RSKR: variants seen among roughly 807,000 people sequenced by gnomAD.
RSKR encodes the protein ribosomal protein S6 kinase related.
RSKR carries 44 observed loss-of-function variants against 56.8 expected under a neutral mutation model. The observed-to-expected ratio is 0.77, with a 90% confidence interval of 0.61 to 1.00. RSKR has a LOEUF of 1.00. Ranked by LOEUF, RSKR falls within the 50% of genes least tolerant of loss-of-function variation. The pLI, the probability that RSKR is intolerant of heterozygous loss-of-function variation, is 0.00. For missense variants in RSKR, 510 were observed against 506.9 expected, an observed-to-expected ratio of 1.01 and a Z score of -0.06; for synonymous variants, 181 against 188.0, an observed-to-expected ratio of 0.96 and a Z score of 0.30.
intron 1 of RSKR, 27 bp from the exon 2 acceptor site, chr17:28,613,715 C>T: frequency 6.2e-7 from 1 of 1,612,056 alleles, no homozygotes. Context: ...CCACTCTAAA[C>T]TTTCTGCTCC....
intron 7 of RSKR, 106 bp downstream of exon 7, chr17:28,611,938 G>A (rs1232599180): frequency 3.7e-6 from 6 of 1,612,266 alleles, no homozygotes; most frequent in African/African-American, 1.3e-5. Flanking sequence ...TGGCACCCAT[G>A]GGGGCCCCAA....
chr17:28,611,205 T>C lies in RSKR; in HGVS notation c.949A>G (p.Thr317Ala). ...RDHVAMLASV[T>A]HSDSEIPASL... The stretch of plus-strand genomic sequence containing the variant: ...GCTGGGATCTCAGAGTCACTGTGGG[T>C]CACACTTGCCAACATGGCCACATGA... Residue 317 changes from threonine to alanine, a missense_variant, in exon 11 of 12, where the codon ACC becomes GCC. By Grantham distance (58) the Thr-to-Ala change is moderately conservative. Coordinates refer to ENST00000301037, the MANE Select transcript of RSKR (RefSeq NM_001174103.2). 1 of 1,536,222 alleles carries C rather than the reference T, an allele frequency of 6.5e-7. No individual in the cohort carries two copies. The highest frequency in any genetic ancestry group is 8.7e-7 in the Non-Finnish European group (1 of 1,146,872).
intron 1 of RSKR, 108 bp from the exon 2 acceptor site, chr17:28,613,796 T>C (rs977916139): frequency 2.0e-6 from 3 of 1,470,578 alleles, no homozygotes; most frequent in African/African-American, 1.4e-5. Flanking sequence ...TAGAGGTACA[T>C]TTTTGAGCAT....
chr17:28,613,459 C>T lies in RSKR; in HGVS notation c.305G>A (p.Arg102Lys), dbSNP rs2070854259. Residue 102 changes from arginine to lysine, a missense_variant, in exon 2 of 12, where the codon AGG becomes AAG. Coordinates refer to ENST00000301037, the MANE Select transcript of RSKR (RefSeq NM_001174103.2). ...ACTTACCTTCAGCTGCTGCTGCCCC[C>T]TAATGGGCCTAATGGGAAACTCTGG... ...FLPEFPIRPI[R>K]GQQQLKILGL... 2 of 1,614,104 alleles carry T rather than the reference C, an allele frequency of 1.2e-6. No homozygotes were observed. Among genetic ancestry groups the T allele is most frequent in the African/African-American group, 2.7e-5 (2 of 74,930 alleles).
rs745882577 is a variant in RSKR at position 28,611,467 on chromosome 17, T to C, written c.826A>G (p.Ser276Gly). Residue 276 changes from serine (S) to glycine (G), a missense_variant, in exon 10 of 12, where the codon AGT (serine) becomes GGT (glycine). Physicochemically the swap from Ser to Gly is moderately conservative, Grantham distance 56. Transcript: ENST00000301037. ...TLQYMAPEVL[S>G]GGPYNHAADW... ...GCAGCATGGTTGTAAGGTCCTCCAC[T>C]TAGGACCTCTGGGGCTACAGATTTC... The C allele has an allele frequency of 1.2e-6, 2 of 1,603,344 alleles. No individual in the cohort carries two copies. Among genetic ancestry groups the C allele is most frequent in the Non-Finnish European group, 1.7e-6 (2 of 1,177,372 alleles).
chr17:28,614,038 A>G (rs960516056), intron 1 of RSKR, 49 bp downstream of exon 1: 2 of 1,596,282 alleles, frequency 1.3e-6, no homozygotes, highest in African/African-American at 2.7e-5. Flanking sequence ...ACTCAAGCCC[A>G]TGTCTCCCTC....
chr17:28,608,100 C>G lies in RSKR; in HGVS notation c.*2378G>C, dbSNP rs533240800. 3.3e-5 allele frequency: 5 copies of G among 152,162 alleles called. No individual in the cohort carries two copies. Among genetic ancestry groups the G allele is most frequent in the Admixed American group, 6.5e-5 (1 of 15,280 alleles). 9.4% of individuals were successfully genotyped at this position (152,162 alleles called of 1,614,324 possible). On this transcript the variant is annotated 3_prime_UTR_variant, in exon 12 of 12. Transcript: ENST00000301037. The stretch of plus-strand genomic sequence containing the variant: ...GGAAAATAAAAGTAGAAAAGGAAGA[C>G]AGAACCAAGAACATGACTAGCATAC...
intron 7 of RSKR, 92 bp from the exon 8 acceptor site, chr17:28,611,887 A>G: frequency 6.2e-7 from 1 of 1,612,122 alleles, no homozygotes; most frequent in Non-Finnish European, 8.5e-7. Context: ...TGCCCTACTC[A>G]GCACTCAAAT....
In RSKR at chr17:28,610,396, G is replaced by T; in HGVS notation, c.*82C>A. The T allele has an allele frequency of 8.0e-7, 1 of 1,254,358 alleles. No individual in the cohort carries two copies. The highest frequency in any genetic ancestry group is 1.1e-6 in the Non-Finnish European group (1 of 901,378). 77.7% of individuals were successfully genotyped at this position (1,254,358 alleles called of 1,614,324 possible). On this transcript the variant is annotated 3_prime_UTR_variant, in exon 12 of 12. Transcript: ENST00000301037. ...GAGGCTACAAAATAAAAACAAACTG[G>T]ATTATCAAGGTGGTCATACTGAGTA... is the stretch of plus-strand genomic sequence containing the variant.
At position 28,611,437 on chromosome 17, in the gene RSKR, A is replaced by C. The variant is rs758087150; in HGVS notation, c.856T>G (p.Trp286Gly). 136 of 1,604,930 alleles carry C rather than the reference A, an allele frequency of 8.5e-5. No individual in the cohort carries two copies. The highest frequency in any genetic ancestry group is 1.1e-4 in the Non-Finnish European group (130 of 1,179,302). Residue 286 changes from tryptophan to glycine, a missense_variant, in exon 10 of 12, where the codon TGG becomes GGG. Physicochemically the swap from Trp to Gly is radical, Grantham distance 184 (BLOSUM62 -2). Coordinates refer to ENST00000301037, the MANE Select transcript of RSKR (RefSeq NM_001174103.2). ...AAAAGCAAGACACCCAGGGACCACC[A>C]ATCAGCAGCATGGTTGTAAGGTCCT... ...SGGPYNHAAD[W>G]WSLGVLLFSL...
chr17:28,610,992 C>T, intron 11 of RSKR, 151 bp downstream of exon 11: 1 of 726,178 alleles, frequency 1.4e-6, no homozygotes, highest in Non-Finnish European at 2.3e-6. Context: ...AGGAATGTGA[C>T]TCAGTACAGC....
chr17:28,610,996 G>A, intron 11 of RSKR, 147 bp downstream of exon 11: 2 of 747,190 alleles, frequency 2.7e-6, no homozygotes, highest in South Asian at 1.8e-5. Context: ...ATGTGACTCA[G>A]TACAGCTTAG....
chr17:28,613,211 C>G (rs1233383857), intron 3 of RSKR, 51 bp downstream of exon 3: 6 of 1,612,928 alleles, frequency 3.7e-6, no homozygotes, highest in Non-Finnish European at 5.1e-6. Flanking sequence ...CTCCCAACCT[C>G]TCTGGAATCA....
At position 28,611,668 on chromosome 17, in the gene RSKR, G is replaced by C. The variant is rs778819189; in HGVS notation, c.722-12C>G. ...CAGTTTCAGATGGCCTATGAAAGAA[G>C]GTAAGGCAACTGCACCACTGTTCCA... is the stretch of plus-strand genomic sequence containing the variant. On this transcript the variant is annotated splice_polypyrimidine_tract_variant and intron_variant, in intron 8 of 11. Transcript: ENST00000301037. 1.2e-6 allele frequency: 2 copies of C among 1,603,194 alleles called. No homozygotes were observed. Among genetic ancestry groups the C allele is most frequent in the East Asian group, 4.5e-5 (2 of 44,852 alleles).
At chr17:28,612,461 C>A in intron 5 of RSKR, 95 bp from the exon 6 acceptor site, 1 of 1,416,462 alleles carries the variant, frequency 7.1e-7, no homozygotes. Context: ...AGGCCTCCTG[C>A]CCAAACTGAT....
At chr17:28,610,723 G>A (rs2070800868) in intron 11 of RSKR, 24 bp from the exon 12 acceptor site, 6 of 1,531,916 alleles carry the variant, frequency 3.9e-6, no homozygotes, top group Non-Finnish European at 5.2e-6. Flanking sequence ...GAGCATGAAG[G>A]ATGAGTGACT....
At position 28,613,119 on chromosome 17, in the gene RSKR, T is replaced by A; in HGVS notation, c.436A>T (p.Arg146Trp). The A allele has an allele frequency of 6.2e-7, 1 of 1,614,018 alleles. No homozygotes were observed. Among genetic ancestry groups the A allele is most frequent in the South Asian group, 1.1e-5 (1 of 91,084 alleles). Residue 146 changes from arginine (R) to tryptophan (W), a missense_variant, in exon 4 of 12, where the codon AGG (arginine) becomes TGG (tryptophan). Coordinates refer to ENST00000301037, the MANE Select transcript of RSKR (RefSeq NM_001174103.2). ...KVVPKVKVLQ[R>W]DTVRQCKEEV... is the part of the protein sequence containing the mutation. Reference sequence around the variant, plus strand: ...TCTTTGCACTGCCTCACGGTATCCCTCTGTAGGACCTTTACCTTGGGCACC... The same window carrying A: ...TCTTTGCACTGCCTCACGGTATCCCACTGTAGGACCTTTACCTTGGGCACC...
Position 28,611,649 on chromosome 17 carries a change from C to T in RSKR, c.729G>A (p.Leu243=). 1.9e-6 allele frequency: 3 copies of T among 1,589,162 alleles called. No homozygotes were observed. Among genetic ancestry groups the T allele is most frequent in the Non-Finnish European group, 2.6e-6 (3 of 1,168,856 alleles). ...GGGACAGACCAAAGTCTGTCAGTTTCAGATGGCCTATGAAAGAAGGTAAGG... is the reference window on the plus strand; with the variant it reads ...GGGACAGACCAAAGTCTGTCAGTTTTAGATGGCCTATGAAAGAAGGTAAGG... ...ENILLDERGH[L]KLTDFGLSRH... The change falls in exon 9 of 12, where the codon CTG becomes CTA. Residue 243 remains leucine (L), a synonymous_variant. Coordinates refer to ENST00000301037, the MANE Select transcript of RSKR (RefSeq NM_001174103.2).
chr17:28,611,970 T>C, intron 7 of RSKR, 74 bp downstream of exon 7: 1 of 1,614,112 alleles, frequency 6.2e-7, no homozygotes, highest in Admixed American at 1.7e-5. Context: ...CTCAGCTCCC[T>C]AACTTCTTGG....
Sources: allele counts gnomAD v4.1 joint callset, GRCh38; gene constraint gnomAD v4.1.1; transcripts MANE v1.5; gene names NCBI Gene and HGNC (gene_info 2026-07-23, HGNC 2026-07-21).